The following MS4A18 variants were observed in gnomAD, a reference collection of about 807,000 sequenced individuals.
MS4A18 encodes membrane-spanning 4-domains subfamily A member 18.
MS4A18 carries 27 observed loss-of-function variants against 13.1 expected under a neutral mutation model. The observed-to-expected ratio is 2.06, with a 90% CI of 1.52 to 2.84. MS4A18 has a LOEUF of 2.84. Ranked by LOEUF, MS4A18 falls within the 30% of genes most tolerant of loss-of-function variation. The pLI, the probability that MS4A18 is intolerant of heterozygous loss-of-function variation, is 0.00. For missense variants in MS4A18, 307 were observed against 196.4 expected (o/e 1.56, Z -3.37); for synonymous variants, 126 against 76.5 (o/e 1.65, Z -3.38).
rs531363170 is a variant in MS4A18, at chr11:60,739,144, A to G, written c.744+147A>G. On this transcript the variant is annotated intron_variant, in intron 4 of 5. Transcript: ENST00000529108. ...CATAAGCTATTTAACCGTCACCAAA[A>G]CCCTGTGCCCTCTGAGGTGGCCATG... 2.9e-4 allele frequency: 179 copies of G among 613,584 alleles called. 1 individual carries two copies. The highest frequency in any genetic ancestry group is 2.7e-3 in the Middle Eastern group (8 of 2,996). The allele number at this position is 613,584 out of a possible 1,614,324, so 38.0% of individuals were successfully genotyped here.
At chr11:60,733,259 G>A (rs1853283774) in intron 1 of MS4A18, among the ~76,000 whole-genome samples, 1 of 152,236 alleles carries the variant, frequency 6.6e-6, no homozygotes, top group Admixed American at 6.5e-5. Context: ...AGTCTAAAGG[G>A]AACACATTTC....
At chr11:60,740,517 G>A (rs1373321344) in intron 4 of MS4A18, among the ~76,000 whole-genome samples, 1 of 152,214 alleles carries the variant, frequency 6.6e-6, no homozygotes, top group African/African-American at 2.4e-5. Flanking sequence ...GACCTAGCTG[G>A]TGTCTATCCC....
At chr11:60,733,907 T>A (rs993260178) in intron 2 of MS4A18, among the ~76,000 whole-genome samples, 6 of 151,960 alleles carry the variant, frequency 3.9e-5, no homozygotes, top group Non-Finnish European at 8.8e-5. Context: ...ATTATCATGT[T>A]CTTTACCTCT....
exon 2 of MS4A18, chr11:60,733,605 T>C (rs1195191066): frequency 4.3e-6 from 3 of 703,540 alleles, no homozygotes; most frequent in East Asian, 2.7e-5. Context: ...ACTATCCTTT[T>C]GTGACCTGGT....
chr11:60,744,751 G>A (rs185416457), downstream of MS4A18, among the ~76,000 whole-genome samples: 59 of 152,282 alleles, frequency 3.9e-4, 1 homozygote, highest in South Asian at 1.0e-3. Context: ...GCAAATAAGC[G>A]TATGAAAAGA....
chr11:60,738,745 C>T (rs542509167), intron 3 of MS4A18, among the ~76,000 whole-genome samples, 157 bp from the exon 5 acceptor site: 5 of 152,014 alleles, frequency 3.3e-5, no homozygotes, highest in African/African-American at 1.2e-4. Flanking sequence ...TGATTTTTCT[C>T]ACCTCACTAT....
chr11:60,725,424 G>C (rs944527789), upstream of MS4A18, among the ~76,000 whole-genome samples: 2 of 152,102 alleles, frequency 1.3e-5, no homozygotes, highest in African/African-American at 4.8e-5. Flanking sequence ...TCGATCTCCT[G>C]ACCTCGTGAT....
At chr11:60,738,765 A>G in intron 3 of MS4A18, 137 bp from the exon 5 acceptor site, 1 of 590,462 alleles carries the variant, frequency 1.7e-6, no homozygotes, top group Admixed American at 3.1e-5. Flanking sequence ...TCGCTAAAAT[A>G]AATGCTTCTC....
chr11:60,734,081 C>T (rs1053232864), intron 2 of MS4A18, among the ~76,000 whole-genome samples: 20 of 151,994 alleles, frequency 1.3e-4, no homozygotes, highest in Non-Finnish European at 2.8e-4. Context: ...TCCCCCCACC[C>T]GCCATCTCTA....
At chr11:60,743,213 T>G (rs1342964840) in intron 5 of MS4A18, among the ~76,000 whole-genome samples, 1 of 152,240 alleles carries the variant, frequency 6.6e-6, no homozygotes, top group South Asian at 2.1e-4. Flanking sequence ...AACAACCACT[T>G]ATTTAGCTCC....
At chr11:60,744,310 T>G (rs1358252411), downstream of MS4A18, 8 of 303,462 alleles carry the variant, frequency 2.6e-5, no homozygotes, top group African/African-American at 4.3e-5. Flanking sequence ...TCTAAATCGG[T>G]GCCTCAGCCA....
chr11:60,744,846 C>T (rs1853463547), downstream of MS4A18, among the ~76,000 whole-genome samples: 1 of 152,154 alleles, frequency 6.6e-6, no homozygotes, highest in South Asian at 2.1e-4. Context: ...CTGATAATAC[C>T]AAGTGCTGGT....
In MS4A18 at chr11:60,729,837, G is replaced by A. The variant is rs749218545; in HGVS notation, c.477+45G>A. The A allele has an allele frequency of 2.6e-5, 17 of 655,320 alleles. 1 individual carries two copies. Among genetic ancestry groups the A allele is most frequent in the South Asian group, 3.4e-5 (2 of 58,144 alleles). 40.6% of individuals were successfully genotyped at this position (655,320 alleles called of 1,614,324 possible). A position where few individuals can be genotyped will look rare whatever the true frequency, so the allele number is the denominator to read the frequency against. On this transcript the variant is annotated intron_variant, in intron 1 of 5. Coordinates refer to ENST00000529108, the Ensembl canonical transcript of MS4A18. ...GATTTGGGTCACTTCATAAGCCCTC[G>A]TCTAGTGCTCTGGGATGAGGAAGGG...
chr11:60,734,420 T>C (rs1853305664), intron 2 of MS4A18, among the ~76,000 whole-genome samples: 2 of 152,336 alleles, frequency 1.3e-5, no homozygotes, highest in Non-Finnish European at 2.9e-5. Context: ...TTGGCCATGT[T>C]GGGTATACAT....
At chr11:60,741,435 A>C (rs529753290) in intron 5 of MS4A18, among the ~76,000 whole-genome samples, 12 of 152,240 alleles carry the variant, frequency 7.9e-5, no homozygotes, top group Non-Finnish European at 1.6e-4. Flanking sequence ...CCTTCATGAA[A>C]TAGCTCACCT....
At chr11:60,741,423 G>A (rs1344691949) in intron 5 of MS4A18, among the ~76,000 whole-genome samples, 1 of 152,070 alleles carries the variant, frequency 6.6e-6, no homozygotes, top group South Asian at 2.1e-4. Flanking sequence ...GGTCTCCAGG[G>A]ACCTTCATGA....
chr11:60,744,084 TC>T, exon 6 of MS4A18: 2 of 644,336 alleles, frequency 3.1e-6, no homozygotes, highest in Admixed American at 2.2e-5. Flanking sequence ...CCCTGAAACT[TC>T]CATGACCATG....
chr11:60,729,091 C>A (rs1428477341), upstream of MS4A18, among the ~76,000 whole-genome samples: 1 of 152,196 alleles, frequency 6.6e-6, no homozygotes, highest in East Asian at 1.9e-4. Context: ...CTACAAGAAG[C>A]TAAGTAGCCT....
intron 2 of MS4A18, among the ~76,000 whole-genome samples, chr11:60,734,450 G>A (rs1039039760): frequency 1.3e-5 from 2 of 152,148 alleles, no homozygotes; most frequent in South Asian, 2.1e-4. Flanking sequence ...AAATCAACAC[G>A]TGCTCCAAAT....
Sources: allele counts gnomAD v4.1 joint callset (sites outside exome capture counted in the v4.1 genomes callset), GRCh38; gene constraint gnomAD v4.1.1; transcripts MANE v1.5; gene names NCBI Gene and HGNC (gene_info 2026-07-23, HGNC 2026-07-21).